The following GTPBP6 variants were observed in gnomAD, a reference collection of about 807,000 sequenced individuals.
The protein encoded by GTPBP6 is putative GTP-binding protein 6.
Under a neutral mutation model 28.9 loss-of-function variants are expected in GTPBP6, and 33 were observed. The observed-to-expected ratio is 1.14, with a 90% CI of 0.87 to 1.53. The LOEUF (loss-of-function observed/expected upper bound fraction) is 1.53. GTPBP6 is among the 40% of genes most tolerant of loss of function. The pLI is 0.00. For missense variants in GTPBP6, 507 were observed against 408.3 expected (o/e 1.24, Z -2.08); for synonymous variants, 231 against 192.7 (o/e 1.20, Z -1.65).
At chrX:313,798 G>C (rs1203069340) in intron 5 of GTPBP6, among the ~76,000 whole-genome samples, 1 of 152,194 alleles carries the variant, frequency 6.6e-6, no homozygotes, top group Non-Finnish European at 1.5e-5. Context: ...AGCCCCTGGA[G>C]GGAGCGCAGC....
chrX:314,056 AC>A, intron 5 of GTPBP6, 93 bp downstream of exon 5: 1 of 968,680 alleles, frequency 1.0e-6, no homozygotes, highest in East Asian at 2.5e-5. Flanking sequence ...GCTGGACCCC[AC>A]CCTGTTGGAA....
intron 5 of GTPBP6, among the ~76,000 whole-genome samples, chrX:313,497 C>A (rs1357127850): frequency 2.0e-5 from 3 of 150,284 alleles, no homozygotes; most frequent in Admixed American, 2.0e-4. Context: ...ACAAGTGTAG[C>A]GGATTGAACT....
At chrX:309,069 G>A (rs773231734) in intron 7 of GTPBP6, among the ~76,000 whole-genome samples, 6 of 152,226 alleles carry the variant, frequency 3.9e-5, no homozygotes, top group South Asian at 2.1e-4. Context: ...TCCAGGCTCC[G>A]GGCGGGGTTC....
intron 7 of GTPBP6, among the ~76,000 whole-genome samples, chrX:310,029 A>T (rs1454276620): frequency 1.2e-3 from 160 of 138,398 alleles, no homozygotes; most frequent in African/African-American, 4.6e-3. Context: ...TGGAGCCCCC[A>T]GGAGCTGGGA....
chrX:313,380 A>C (rs1285470576), intron 5 of GTPBP6, among the ~76,000 whole-genome samples: 1 of 152,084 alleles, frequency 6.6e-6, no homozygotes, highest in East Asian at 1.9e-4. Flanking sequence ...TCCTTCTAAG[A>C]AGCAGAGACC....
At chrX:317,855 C>T (rs1485425523) in intron 1 of GTPBP6, among the ~76,000 whole-genome samples, 5 of 148,728 alleles carry the variant, frequency 3.4e-5, no homozygotes, top group African/African-American at 1.2e-4. Flanking sequence ...ATATCCTCCC[C>T]TCTTCCCCAT....
In GTPBP6 at chrX:313,000, C is replaced by A. The variant is rs1265149151; in HGVS notation, c.758-76G>T. 3 of 1,359,886 alleles carry A rather than the reference C, an allele frequency of 2.2e-6. No individual in the cohort carries two copies. The East Asian group carries it at 7.1e-5, about 32-fold the overall frequency. 84.2% of individuals were successfully genotyped at this position (1,359,886 alleles called of 1,614,324 possible). A position where few individuals can be genotyped will look rare whatever the true frequency, so the allele number is the denominator to read the frequency against. Reference sequence around the variant, plus strand: ...AAGTGCGGGCGGTGCCGCGGAGGGTCTGCGGGGGCCCGGGGCCTGCTCCCG... The same window carrying A: ...AAGTGCGGGCGGTGCCGCGGAGGGTATGCGGGGGCCCGGGGCCTGCTCCCG... On this transcript the variant is annotated intron_variant, in intron 5 of 9. Transcript: ENST00000326153.
chrX:313,044 C>T (rs1306824801), intron 5 of GTPBP6, 120 bp from the exon 6 acceptor site: 41 of 796,892 alleles, frequency 5.1e-5, no homozygotes, highest in East Asian at 2.9e-4. Context: ...TCTGGGGGCC[C>T]GGCTGCTTTC....
chrX:306,641 A>G (rs193147552), intron 9 of GTPBP6, among the ~76,000 whole-genome samples: 14 of 148,636 alleles, frequency 9.4e-5, no homozygotes, highest in Admixed American at 8.1e-4. Context: ...GACTGTCAGC[A>G]CAGATTAGGC....
chrX:313,647 G>A (rs7498548), intron 5 of GTPBP6, among the ~76,000 whole-genome samples: 6,062 of 152,166 alleles, frequency 0.04, 401 homozygotes, highest in African/African-American at 0.14. Context: ...TAAATGCAAT[G>A]ACATGTGTCC....
At chrX:313,063 C>T (rs932614272) in intron 5 of GTPBP6, 139 bp from the exon 6 acceptor site, 69 of 679,092 alleles carry the variant, frequency 1.0e-4, no homozygotes, top group Middle Eastern at 8.3e-4. Context: ...TCCCCAGCAG[C>T]GGCCCCGACA....
chrX:307,276 T>G, intron 9 of GTPBP6, 84 bp downstream of exon 9: 1 of 1,299,210 alleles, frequency 7.7e-7, no homozygotes, highest in East Asian at 2.3e-5. Flanking sequence ...CACAGCTCCT[T>G]GTGCACCCAC....
At chrX:307,561 G>A (rs1486946657) in intron 8 of GTPBP6, 49 bp from the exon 9 acceptor site, 1 of 1,589,206 alleles carries the variant, frequency 6.3e-7, no homozygotes, top group East Asian at 2.3e-5. Context: ...GGGGCGGCCG[G>A]ACGAAATCAG....
chrX:314,193 G>A (rs1214848989), exon 5 of GTPBP6: 3 of 1,613,530 alleles, frequency 1.9e-6, no homozygotes, highest in Non-Finnish European at 2.5e-6. Context: ...GGTACAGGTG[G>A]GCGACGTCCC....
In GTPBP6 at chrX:310,338, G is replaced by A. The variant is rs918909996; in HGVS notation, c.1125+1081C>T. On this transcript the variant is annotated intron_variant, in intron 7 of 9. Coordinates refer to ENST00000326153, the Ensembl canonical transcript of GTPBP6. Reference sequence around the variant, plus strand: ...ACAGAGGCAGAGACTGGAGTGATGCGGCCACAAGCCCAGGGACGCCTGGAG... The same window carrying A: ...ACAGAGGCAGAGACTGGAGTGATGCAGCCACAAGCCCAGGGACGCCTGGAG... Among the ~76,000 whole-genome samples, 15 of 133,980 alleles carry A rather than the reference G, an allele frequency of 1.1e-4. 1 individual carries two copies. Among genetic ancestry groups the A allele is most frequent in the African/African-American group, 2.2e-4 (7 of 32,244 alleles). 87.9% of individuals were successfully genotyped at this position (133,980 alleles called of 152,430 possible).
chrX:312,627 C>A (rs757655166), intron 6 of GTPBP6, 139 bp downstream of exon 6: 3 of 880,900 alleles, frequency 3.4e-6, no homozygotes, highest in South Asian at 2.8e-5. Flanking sequence ...ACCATGGGAA[C>A]CCCCTCTCCT....
intron 5 of GTPBP6, among the ~76,000 whole-genome samples, chrX:313,753 G>A (rs779422329): frequency 2.0e-5 from 3 of 151,808 alleles, no homozygotes; most frequent in Admixed American, 6.6e-5. Context: ...ACCCAGGGAT[G>A]CCTGGAGCCC....
At chrX:312,851 C>T (rs1252040987) in exon 6 of GTPBP6, 9 of 1,612,940 alleles carry the variant, frequency 5.6e-6, no homozygotes, top group Admixed American at 1.7e-5. Flanking sequence ...TCTTGCGAAG[C>T]CTGTCCAAGG....
chrX:315,291 G>C (rs1287461549), exon 3 of GTPBP6: 1 of 398,356 alleles, frequency 2.5e-6, no homozygotes, highest in Non-Finnish European at 4.4e-6. Flanking sequence ...GGAGACCCTC[G>C]GATCTTTTCT....
Sources: gnomAD v4.1 joint callset for allele counts (sites outside exome capture counted in the v4.1 genomes callset) on GRCh38, gnomAD v4.1.1 for gene constraint, MANE v1.5 for transcripts, NCBI Gene and HGNC (gene_info 2026-07-23, HGNC 2026-07-21) for gene names.